Variants in SLC5A12 observed in about 807,000 individuals in gnomAD.
SLC5A12 encodes the protein sodium-coupled monocarboxylate transporter 2.
SLC5A12 carries 46 observed loss-of-function variants against 72.7 expected under a neutral mutation model. That is an observed-to-expected ratio of 0.63 (90% CI 0.50 to 0.81). The LOEUF (loss-of-function observed/expected upper bound fraction) is 0.81. Among genes scored for constraint, SLC5A12 ranks in the 30% least tolerant of loss-of-function variants. The pLI is 0.00. For missense variants in SLC5A12, 683 were observed against 740.7 expected (o/e 0.92, Z 0.90); for synonymous variants, 275 against 264.4 (o/e 1.04, Z -0.39).
At chr11:26,704,806 C>A (rs1565198598) in intron 4 of SLC5A12, among the ~76,000 whole-genome samples, 1 of 152,014 alleles carries the variant, frequency 6.6e-6, no homozygotes, top group Non-Finnish European at 1.5e-5. Flanking sequence ...ATCTGGCTTG[C>A]ACAACTAGAA....
At chr11:26,709,433 G>A in intron 3 of SLC5A12, 54 bp from the exon 4 acceptor site, 1 of 1,371,056 alleles carries the variant, frequency 7.3e-7, no homozygotes, top group Non-Finnish European at 1.0e-6. Flanking sequence ...AATTAAAAGA[G>A]CAAGTTTTAT....
chr11:26,671,240 C>T lies in SLC5A12; in HGVS notation c.1719G>A (p.Glu573=), dbSNP rs757776791. The T allele has an allele frequency of 4.4e-6, 7 of 1,598,220 alleles. No individual in the cohort carries two copies. Among genetic ancestry groups the T allele is most frequent in the Non-Finnish European group, 8.5e-7 (1 of 1,172,962 alleles). The change falls in exon 15 of 15, where the codon GAG becomes GAA. Residue 573 remains glutamate, a synonymous_variant. Coordinates refer to ENST00000396005, the MANE Select transcript of SLC5A12 (RefSeq NM_178498.4). The stretch of plus-strand genomic sequence containing the variant: ...CCCCCTGTTTCCGGGCACTGCCATT[C>T]TCAAGGTTTTCCTGAGGGAAATACA... ...HDSGTEQENL[E]NGSARKQGAE... is the part of the protein sequence containing the mutation.
rs1011786253 is a variant in SLC5A12, at chr11:26,667,741, C to T, written c.*3361G>A. On this transcript the variant is annotated 3_prime_UTR_variant, in exon 15 of 15. Coordinates refer to ENST00000396005, the MANE Select transcript of SLC5A12 (RefSeq NM_178498.4). ...TTAGGACCTTTAGAAAAGTTACTCT[C>T]TGGAAAATAATATTTTATTTAAACT... is the stretch of plus-strand genomic sequence containing the variant. 1.3e-5 allele frequency: 2 copies of T among 151,738 alleles called. No individual in the cohort carries two copies. The highest frequency in any genetic ancestry group is 4.8e-5 in the African/African-American group (2 of 41,334). 9.4% of individuals were successfully genotyped at this position (151,738 alleles called of 1,614,324 possible).
intron 13 of SLC5A12, among the ~76,000 whole-genome samples, chr11:26,673,755 A>G (rs1363014846): frequency 6.6e-6 from 1 of 152,176 alleles, no homozygotes; most frequent in Non-Finnish European, 1.5e-5. Flanking sequence ...GTAGAGTTAA[A>G]CAGAGACAAC....
chr11:26,690,289 A>C (rs534096548), intron 9 of SLC5A12, among the ~76,000 whole-genome samples: 1 of 152,276 alleles, frequency 6.6e-6, no homozygotes, highest in South Asian at 2.1e-4. Context: ...TTTAATTTTT[A>C]AACTGAAAGA....
At chr11:26,680,851 T>C (rs1490317519) in intron 12 of SLC5A12, among the ~76,000 whole-genome samples, 1 of 152,148 alleles carries the variant, frequency 6.6e-6, no homozygotes, top group African/African-American at 2.4e-5. Context: ...ACCAAATTGG[T>C]TTTTGTATGT....
chr11:26,681,444 T>C (rs1171205959), intron 11 of SLC5A12, among the ~76,000 whole-genome samples: 1 of 152,174 alleles, frequency 6.6e-6, no homozygotes, highest in African/African-American at 2.4e-5. Context: ...GATAATTTCA[T>C]GGTGATCATT....
At chr11:26,709,217 G>A (rs932343191) in intron 4 of SLC5A12, 95 bp downstream of exon 4, 109 of 846,984 alleles carry the variant, frequency 1.3e-4, no homozygotes, top group Non-Finnish European at 1.7e-4. Flanking sequence ...TTGGAATAAC[G>A]AATTCTGCTA....
rs1554994287 is a variant in SLC5A12 at position 26,703,446 on chromosome 11, A to ACC, written c.821+83_821+84dup. On this transcript the variant is annotated intron_variant, in intron 6 of 14. Coordinates refer to ENST00000396005, the MANE Select transcript of SLC5A12 (RefSeq NM_178498.4). ...TACATACACACACACACACACACAC[A>ACC]CCCCCCAAGAGGAAGTATTAATATA... 4.1e-5 allele frequency: 45 copies of ACC among 1,087,610 alleles called. No individual in the cohort carries two copies. In the South Asian group the frequency reaches 5.7e-4, roughly 14 times the overall value. The allele number at this position is 1,087,610 out of a possible 1,614,324, so 67.4% of individuals were successfully genotyped here.
chr11:26,678,712 C>T lies in SLC5A12; in HGVS notation c.1579G>A (p.Gly527Ser). 6.2e-7 allele frequency: 1 copy of T among 1,609,790 alleles called. No homozygotes were observed. The highest frequency in any genetic ancestry group is 8.5e-7 in the Non-Finnish European group (1 of 1,177,268). The change falls in exon 13 of 15, where the codon GGT becomes AGT. Residue 527 changes from glycine (G) to serine (S), a missense_variant and splice_region_variant. Physicochemically the swap from Gly to Ser is moderately conservative, Grantham distance 56. Transcript: ENST00000396005. ...VAGVIISLITGRQRGEDIQPL... is the reference protein window; with the variant it reads ...VAGVIISLITSRQRGEDIQPL... ...CCCAAAGGGAGGAATTATAACCAAC[C>T]TGTTATGAGGCTGATGATTACTCCA...
At position 26,673,515 on chromosome 11, in the gene SLC5A12, C is replaced by T. The variant is rs1854194239; in HGVS notation, c.1594G>A (p.Glu532Lys). The T allele has an allele frequency of 6.2e-7, 1 of 1,607,664 alleles. No homozygotes were observed. ...CTAATTAACAGTGGTTGAATATCCT[C>T]ACCTCTTTGGCGACCTATTAACAAA... Reference protein sequence around the residue: ...ISLITGRQRGEDIQPLLIRPV... With the variant: ...ISLITGRQRGKDIQPLLIRPV... The change falls in exon 14 of 15, where the codon GAG becomes AAG. Residue 532 changes from glutamate (E) to lysine (K), a missense_variant. Physicochemically the swap from Glu to Lys is moderately conservative, Grantham distance 56. Coordinates refer to ENST00000396005, the MANE Select transcript of SLC5A12 (RefSeq NM_178498.4).
At chr11:26,715,251 C>T (rs1855323164) in intron 1 of SLC5A12, among the ~76,000 whole-genome samples, 2 of 152,072 alleles carry the variant, frequency 1.3e-5, no homozygotes, top group African/African-American at 4.8e-5. Flanking sequence ...ATTCCCTGTT[C>T]CAGTACATGT....
chr11:26,712,446 CT>C (rs529516038), intron 2 of SLC5A12, among the ~76,000 whole-genome samples, 194 bp downstream of exon 2: 1 of 151,984 alleles, frequency 6.6e-6, no homozygotes. Context: ...ACACAAACGG[CT>C]TTTTTTCCCT....
intron 1 of SLC5A12, 30 bp downstream of exon 1, chr11:26,721,346 A>T (rs1257241460): frequency 1.9e-6 from 3 of 1,539,140 alleles, no homozygotes; most frequent in Admixed American, 4.2e-5. Context: ...GAGAAAAAAA[A>T]ATTAGAGAAG....
At chr11:26,680,920 T>C in intron 12 of SLC5A12, 135 bp downstream of exon 12, 1 of 785,912 alleles carries the variant, frequency 1.3e-6, no homozygotes, top group Non-Finnish European at 1.8e-6. Context: ...CACTCTTCAG[T>C]GCTGGGTACT....
intron 6 of SLC5A12, among the ~76,000 whole-genome samples, 158 bp downstream of exon 6, chr11:26,703,373 A>C (rs546280469): frequency 6.6e-6 from 1 of 152,082 alleles, no homozygotes; most frequent in African/African-American, 2.4e-5. Flanking sequence ...TGGGCTCAAA[A>C]AGTTGAAAGA....
Position 26,670,951 on chromosome 11 carries a change from G to A in SLC5A12, c.*151C>T, listed in dbSNP as rs539924672. On this transcript the variant is annotated 3_prime_UTR_variant, in exon 15 of 15. Transcript: ENST00000396005. ...CCGAGAGACAGTCATTTTGCATGTAGTTATAAATAAGTAGAAATAGGCACC... is the reference window on the plus strand; with the variant it reads ...CCGAGAGACAGTCATTTTGCATGTAATTATAAATAAGTAGAAATAGGCACC... 3.1e-6 allele frequency: 2 copies of A among 645,120 alleles called. No homozygotes were observed. The highest frequency in any genetic ancestry group is 1.9e-5 in the African/African-American group (1 of 53,178). 40.0% of individuals were successfully genotyped at this position (645,120 alleles called of 1,614,324 possible).
intron 3 of SLC5A12, among the ~76,000 whole-genome samples, chr11:26,710,482 A>T (rs950417892): frequency 6.6e-6 from 1 of 151,932 alleles, no homozygotes; most frequent in African/African-American, 2.4e-5. Flanking sequence ...AAGCATTCCT[A>T]TTTCTCCACA....
At chr11:26,679,520 A>G (rs1157074672) in intron 12 of SLC5A12, among the ~76,000 whole-genome samples, 1 of 152,150 alleles carries the variant, frequency 6.6e-6, no homozygotes, top group Non-Finnish European at 1.5e-5. Context: ...TGGAGTGCCC[A>G]TTTGGAACCT....
Sources: allele counts gnomAD v4.1 joint callset (sites outside exome capture counted in the v4.1 genomes callset), GRCh38; gene constraint gnomAD v4.1.1; transcripts MANE v1.5; gene names NCBI Gene and HGNC (gene_info 2026-07-23, HGNC 2026-07-21).